Variants in CACHD1 observed in about 807,000 individuals in gnomAD.
CACHD1 encodes cache domain containing 1.
CACHD1 carries 71 observed loss-of-function variants against 138.7 expected under a neutral mutation model. The observed-to-expected ratio is 0.51, with a 90% CI of 0.42 to 0.62. The LOEUF (loss-of-function observed/expected upper bound fraction) is 0.62. CACHD1 is among the 20% of genes least tolerant of loss of function. The pLI is 0.00. For missense variants in CACHD1, 1,389 were observed against 1,625.3 expected (o/e 0.85, Z 2.50); for synonymous variants, 578 against 591.5 (o/e 0.98, Z 0.33).
intron 3 of CACHD1, among the ~76,000 whole-genome samples, chr1:64,598,926 T>C (rs1647186480): frequency 7.2e-6 from 1 of 139,380 alleles, no homozygotes; most frequent in Admixed American, 7.5e-5. Context: ...TCATTAATAT[T>C]ATTATATATT....
intron 1 of CACHD1, among the ~76,000 whole-genome samples, chr1:64,520,825 C>G (rs1304915355): frequency 6.6e-6 from 1 of 152,200 alleles, no homozygotes; most frequent in Non-Finnish European, 1.5e-5. Context: ...TCTCTACTCC[C>G]CCTCTAATCA....
rs750748560 is a variant in CACHD1 at position 64,682,059 on chromosome 1, A to G, written c.3539A>G (p.Glu1180Gly). The change falls in exon 26 of 27, where the codon GAA (glutamate) becomes GGA (glycine). Residue 1180 changes from glutamate (E) to glycine (G), a missense_variant. Coordinates refer to ENST00000651257, the MANE Select transcript of CACHD1 (RefSeq NM_020925.4). ...ATCGAACGACATGCACACAGTCCAG[A>G]AAGAAGGCGCCGCTACTGGGGTCGA... The part of the protein sequence containing the change: ...AVIERHAHSP[E>G]RRRRYWGRSG... 31 of 1,613,984 alleles carry G rather than the reference A, an allele frequency of 1.9e-5. No individual in the cohort carries two copies. The highest frequency in any genetic ancestry group is 8.5e-7 in the Non-Finnish European group (1 of 1,180,018).
intron 1 of CACHD1, among the ~76,000 whole-genome samples, chr1:64,474,854 G>C (rs1557454011): frequency 6.6e-6 from 1 of 152,242 alleles, no homozygotes; most frequent in Non-Finnish European, 1.5e-5. Flanking sequence ...ACTCTGCTGG[G>C]CTGGGCACAC....
At chr1:64,575,987 C>G (rs959520408) in intron 2 of CACHD1, among the ~76,000 whole-genome samples, 1 of 152,148 alleles carries the variant, frequency 6.6e-6, no homozygotes, top group South Asian at 2.1e-4. Context: ...TGTGATGAAA[C>G]GTTGTCACTG....
intron 1 of CACHD1, among the ~76,000 whole-genome samples, chr1:64,491,972 A>T (rs139797957): frequency 1.0e-3 from 156 of 151,974 alleles, no homozygotes; most frequent in African/African-American, 3.5e-3. Flanking sequence ...AAAAATTAAC[A>T]GTGAGACACT....
In CACHD1 at chr1:64,497,036, TA is replaced by T. The variant is rs1005586650; in HGVS notation, c.198+26106del. Among the ~76,000 whole-genome samples the T allele has an allele frequency of 9.4e-4, 137 of 145,760 alleles. 1 individual carries two copies. Among genetic ancestry groups the T allele is most frequent in the Middle Eastern group, 7.1e-3 (2 of 282 alleles). ...CAAAGCAGGGTGGGAATTTGGTCCT[TA>T]AAAAAAAAAAATCATGTTTACTTTT... On this transcript the variant is annotated intron_variant, in intron 1 of 26. Coordinates refer to ENST00000651257, the MANE Select transcript of CACHD1 (RefSeq NM_020925.4).
chr1:64,691,218 A>G (rs1359895473), intron 26 of CACHD1, 105 bp from the exon 27 acceptor site: 9 of 958,984 alleles, frequency 9.4e-6, no homozygotes, highest in Non-Finnish European at 9.9e-6. Flanking sequence ...GCACCTATGT[A>G]TTGCAAAGAC....
At chr1:64,509,261 ACC>A (rs548303168) in intron 1 of CACHD1, among the ~76,000 whole-genome samples, 1 of 152,060 alleles carries the variant, frequency 6.6e-6, no homozygotes, top group African/African-American at 2.4e-5. Context: ...TGCCTGTGTT[ACC>A]CGCCCCTTGT....
At chr1:64,526,434 G>A (rs781039010) in intron 1 of CACHD1, among the ~76,000 whole-genome samples, 1 of 152,056 alleles carries the variant, frequency 6.6e-6, no homozygotes, top group African/African-American at 2.4e-5. Context: ...ACAAAAATGG[G>A]TAATAAGAAT....
chr1:64,561,156 G>A (rs914170224), intron 2 of CACHD1, among the ~76,000 whole-genome samples: 7 of 149,686 alleles, frequency 4.7e-5, no homozygotes, highest in Non-Finnish European at 8.9e-5. Context: ...TTAATATTTT[G>A]GGTTTTTTTT....
At chr1:64,670,983 G>A (rs1649794294) in intron 16 of CACHD1, among the ~76,000 whole-genome samples, 1 of 152,160 alleles carries the variant, frequency 6.6e-6, no homozygotes, top group Non-Finnish European at 1.5e-5. Flanking sequence ...GGGTGGAATG[G>A]AGAAAGCACT....
At chr1:64,638,566 T>C (rs1648598079) in intron 7 of CACHD1, among the ~76,000 whole-genome samples, 1 of 152,188 alleles carries the variant, frequency 6.6e-6, no homozygotes, top group South Asian at 2.1e-4. Flanking sequence ...GTTTTGGAGC[T>C]GATTAGTTGA....
intron 1 of CACHD1, among the ~76,000 whole-genome samples, chr1:64,507,140 T>G (rs1395899231): frequency 1.3e-5 from 2 of 152,184 alleles, no homozygotes; most frequent in Non-Finnish European, 2.9e-5. Context: ...TGAAGGTTGT[T>G]CTTGATGTGT....
chr1:64,629,314 G>A (rs775219851), intron 4 of CACHD1, 41 bp from the exon 5 acceptor site: 8 of 1,607,544 alleles, frequency 5.0e-6, no homozygotes, highest in East Asian at 2.2e-5. Flanking sequence ...GCATGCACCT[G>A]TGGATTTGGT....
rs545131747 is a variant in CACHD1 at position 64,663,725 on chromosome 1, G to C, written c.1982G>C (p.Ser661Thr). The C allele has an allele frequency of 6.2e-7, 1 of 1,614,072 alleles. No homozygotes were observed. The highest frequency in any genetic ancestry group is 1.1e-5 in the South Asian group (1 of 91,072). ...CCCACCATCATGCTGTCTGCTGGCA[G>C]CTTTTCCTCCCCCTATGAGCACCTC... ...ESPTIMLSAG[S>T]FSSPYEHLSQ... The change falls in exon 14 of 27, where the codon AGC becomes ACC. Residue 661 changes from serine (S) to threonine (T), a missense_variant. By Grantham distance (58) the Ser-to-Thr change is moderately conservative. This residue lies in a region of CACHD1 where 1,000 missense variants were observed against 1,114.7 expected (regional missense o/e 0.90). Transcript: ENST00000651257.
chr1:64,616,833 G>C (rs1423447319), intron 4 of CACHD1, among the ~76,000 whole-genome samples: 2 of 152,116 alleles, frequency 1.3e-5, no homozygotes, highest in East Asian at 3.9e-4. Flanking sequence ...AGTGGAAAGG[G>C]GCCATGGCAT....
At chr1:64,657,780 A>G (rs922001174) in intron 12 of CACHD1, among the ~76,000 whole-genome samples, 2 of 152,180 alleles carry the variant, frequency 1.3e-5, no homozygotes, top group African/African-American at 4.8e-5. Flanking sequence ...GAGCTGCTTT[A>G]TAAGGCACCG....
At chr1:64,602,470 A>ATTTTTTTTTTTTTTTTTT (rs10694627) in intron 3 of CACHD1, among the ~76,000 whole-genome samples, 1 of 125,232 alleles carries the variant, frequency 8.0e-6, no homozygotes, top group Admixed American at 8.2e-5. Context: ...CTCCCATCTG[A>ATTTTTTTTTTTTTTTTTT]TTTTTTTTTT....
rs1649534391 is a variant in CACHD1 at position 64,663,847 on chromosome 1, G to A, written c.2094+10G>A. On this transcript the variant is annotated intron_variant, in intron 14 of 26. Transcript: ENST00000651257. ...TAACCCGGGCCTCAAAGTAAGCATT[G>A]GCGCAGAGCTCCATTTCTGGTGTCC... 1.2e-6 allele frequency: 2 copies of A among 1,614,058 alleles called. No individual in the cohort carries two copies. Among genetic ancestry groups the A allele is most frequent in the Admixed American group, 1.7e-5 (1 of 60,020 alleles).
Sources: allele counts gnomAD v4.1 joint callset (sites outside exome capture counted in the v4.1 genomes callset), GRCh38; gene constraint gnomAD v4.1.1; regional missense constraint gnomAD v4.1.1; transcripts MANE v1.5; gene names NCBI Gene and HGNC (gene_info 2026-07-23, HGNC 2026-07-21).